SMIM35: variants seen among roughly 807,000 people sequenced by gnomAD.
The protein encoded by SMIM35 is small integral membrane protein 35, also known as TMPRSS4 antisense RNA 1 (non-protein coding).
In SMIM35 at chr11:118,014,125, C is replaced by T. The variant is rs534828736; in HGVS notation, c.159-245G>A. 2.6e-5 allele frequency among the ~76,000 whole-genome samples: 4 copies of T among 152,178 alleles called. No individual in the cohort carries two copies. The South Asian group carries it at 8.3e-4, about 32-fold the overall frequency. On this transcript the variant is annotated intron_variant, in intron 3 of 4. Coordinates refer to ENST00000689828, the MANE Select transcript of SMIM35 (RefSeq NM_001394165.1). Reference sequence around the variant, plus strand: ...CCTGAATCCCTGATTTTCTGATATGCTCTTCTTTCTGATACCATCTTGTGC... The same window carrying T: ...CCTGAATCCCTGATTTTCTGATATGTTCTTCTTTCTGATACCATCTTGTGC...
chr11:118,021,047 G>GTTTTTTTTTTTTTTTTTT (rs367714265), intron 1 of SMIM35, among the ~76,000 whole-genome samples: 1,716 of 138,948 alleles, frequency 0.012, 33 homozygotes, highest in African/African-American at 0.037. Context: ...ACAGGGTAAG[G>GTTTTTTTTTTTTTTTTTT]TTTTTTTTTT....
chr11:118,044,553 C>T (rs1490425067), intron 1 of SMIM35, among the ~76,000 whole-genome samples: 1 of 151,992 alleles, frequency 6.6e-6, no homozygotes, highest in Non-Finnish European at 1.5e-5. Flanking sequence ...GTAATCCCAG[C>T]ATTTTGGGAG....
chr11:118,064,736 C>T (rs373506646), intron 1 of SMIM35, among the ~76,000 whole-genome samples: 1 of 149,458 alleles, frequency 6.7e-6, no homozygotes. Flanking sequence ...CTCTACTTCC[C>T]GGGTCCGAGC....
chr11:118,086,780 A>C lies in SMIM35; in HGVS notation c.-23T>G, dbSNP rs1053459194. On this transcript the variant is annotated 5_prime_UTR_variant, in exon 1 of 5. Transcript: ENST00000689828. ...CATGGCTGAGACATCCAAGAGAGAG[A>C]GCCCTGTTGCCAGCGCAGCAAAGGC... 1 of 152,694 alleles carries C rather than the reference A, an allele frequency of 6.5e-6. No homozygotes were observed. The highest frequency in any genetic ancestry group is 2.4e-5 in the African/African-American group (1 of 41,444). The allele number at this position is 152,694 out of a possible 1,614,324, so 9.5% of individuals were successfully genotyped here. A position where few individuals can be genotyped will look rare whatever the true frequency, so the allele number is the denominator to read the frequency against.
intron 2 of SMIM35, 149 bp from the exon 3 acceptor site, chr11:118,014,890 T>C: frequency 2.5e-6 from 1 of 396,678 alleles, no homozygotes; most frequent in Non-Finnish European, 4.4e-6. Context: ...CATTCCAGCC[T>C]CCTTCAGGGC....
At chr11:118,082,661 A>C (rs545580185) in intron 1 of SMIM35, among the ~76,000 whole-genome samples, 2 of 152,368 alleles carry the variant, frequency 1.3e-5, no homozygotes, top group Non-Finnish European at 2.9e-5. Flanking sequence ...AGCTATAATT[A>C]ACTTAGACTT....
chr11:118,029,401 G>T (rs145347077), intron 1 of SMIM35, among the ~76,000 whole-genome samples: 2 of 152,206 alleles, frequency 1.3e-5, no homozygotes, highest in Non-Finnish European at 2.9e-5. Context: ...ATATAGTTTA[G>T]TTAAAGTGTT....
At chr11:118,053,071 C>T (rs1389746142) in intron 1 of SMIM35, among the ~76,000 whole-genome samples, 3 of 152,160 alleles carry the variant, frequency 2.0e-5, no homozygotes, top group Admixed American at 6.5e-5. Context: ...TTAGGGAGGC[C>T]ATGACGGGTG....
At chr11:118,053,934 C>T (rs1944265199) in intron 1 of SMIM35, among the ~76,000 whole-genome samples, 2 of 152,178 alleles carry the variant, frequency 1.3e-5, no homozygotes, top group Non-Finnish European at 2.9e-5. Flanking sequence ...TCTCTAAAGT[C>T]TAAACCCCTA....
chr11:118,052,148 T>A (rs1384486374), intron 1 of SMIM35, among the ~76,000 whole-genome samples: 1 of 152,114 alleles, frequency 6.6e-6, no homozygotes, highest in Non-Finnish European at 1.5e-5. Flanking sequence ...GGGTAGCGGG[T>A]GCTCTTTGCA....
At chr11:118,033,167 T>A (rs184949780) in intron 1 of SMIM35, among the ~76,000 whole-genome samples, 49 of 152,350 alleles carry the variant, frequency 3.2e-4, no homozygotes, top group African/African-American at 1.2e-3. Context: ...TAATTCAGGC[T>A]TTTTAATTTA....
chr11:118,069,022 T>A (rs573751674), intron 1 of SMIM35, among the ~76,000 whole-genome samples: 1 of 152,206 alleles, frequency 6.6e-6, no homozygotes, highest in East Asian at 1.9e-4. Context: ...GGACCACCAT[T>A]GACTCATCAC....
At chr11:118,025,846 C>G (rs1018225816) in intron 1 of SMIM35, 1 of 440,832 alleles carries the variant, frequency 2.3e-6, no homozygotes, top group African/African-American at 2.1e-5. Flanking sequence ...CTTTTGGAAA[C>G]TTAGTCATAA....
intron 4 of SMIM35, among the ~76,000 whole-genome samples, chr11:118,008,094 T>C (rs2058131035): frequency 6.6e-6 from 1 of 151,034 alleles, no homozygotes; most frequent in Non-Finnish European, 1.5e-5. Flanking sequence ...GATCTTGAAC[T>C]CCTGACCTCA....
chr11:118,051,988 A>C (rs977925135), intron 1 of SMIM35, among the ~76,000 whole-genome samples: 4 of 152,200 alleles, frequency 2.6e-5, no homozygotes, highest in African/African-American at 9.7e-5. Context: ...CAGAGGGAAC[A>C]GTACTGCCTG....
chr11:118,034,079 C>T (rs1437786521), intron 1 of SMIM35, among the ~76,000 whole-genome samples: 1 of 150,120 alleles, frequency 6.7e-6, no homozygotes, highest in African/African-American at 2.5e-5. Context: ...ACCAGCCTGA[C>T]CAACATGGTG....
At chr11:118,024,504 G>A (rs550849418) in intron 1 of SMIM35, among the ~76,000 whole-genome samples, 1 of 152,134 alleles carries the variant, frequency 6.6e-6, no homozygotes, top group Admixed American at 6.5e-5. Flanking sequence ...GCAGAGTCTC[G>A]CTCTGTTATC....
rs371896516 is a variant in SMIM35, at chr11:118,085,308, C to T, written c.7+1443G>A. Among the ~76,000 whole-genome samples the T allele has an allele frequency of 2.0e-5, 3 of 151,708 alleles. No homozygotes were observed. The South Asian group carries it at 6.3e-4, about 32-fold the overall frequency. Reference sequence around the variant, plus strand: ...GCAGGATCTTGGCTCACTGCAACCTCCGCCTCCCAGGTTCAAGCGATTCTC... The same window carrying T: ...GCAGGATCTTGGCTCACTGCAACCTTCGCCTCCCAGGTTCAAGCGATTCTC... On this transcript the variant is annotated intron_variant, in intron 1 of 4. Transcript: ENST00000689828.
chr11:118,028,301 G>A (rs184427943), intron 1 of SMIM35, among the ~76,000 whole-genome samples: 1 of 152,344 alleles, frequency 6.6e-6, no homozygotes, highest in East Asian at 1.9e-4. Context: ...TTGGTGTTGG[G>A]CTAAGGAGGA....
Sources: allele counts gnomAD v4.1 joint callset (sites outside exome capture counted in the v4.1 genomes callset), GRCh38; gene constraint gnomAD v4.1.1; transcripts MANE v1.5; gene names NCBI Gene and HGNC (gene_info 2026-07-23, HGNC 2026-07-21).